The following BTAF1 variants were observed in gnomAD, a reference collection of about 807,000 sequenced individuals.
BTAF1 encodes B-TFIID TATA-box binding protein associated factor 1.
BTAF1 carries 38 observed loss-of-function variants against 227.1 expected under a neutral mutation model. The observed-to-expected ratio is 0.17, with a 90% confidence interval of 0.13 to 0.22. The LOEUF (loss-of-function observed/expected upper bound fraction) is 0.22. BTAF1 is among the 10% of genes least tolerant of loss of function. BTAF1 has a pLI of 1.00. For missense variants in BTAF1, 1,598 were observed against 2,204.0 expected (o/e 0.73, Z 5.51); for synonymous variants, 742 against 751.9 (o/e 0.99, Z 0.21).
intron 4 of BTAF1, among the ~76,000 whole-genome samples, chr10:91,946,618 C>T (rs111570788): frequency 2.6e-5 from 4 of 152,258 alleles, no homozygotes; most frequent in African/African-American, 7.2e-5. Context: ...GAAGTGATAT[C>T]TCATTGTGAT....
intron 1 of BTAF1, among the ~76,000 whole-genome samples, chr10:91,930,198 C>T (rs1354332030): frequency 6.6e-6 from 1 of 152,060 alleles, no homozygotes; most frequent in Non-Finnish European, 1.5e-5. Context: ...ACCCATACTG[C>T]TGCTAAAGAA....
intron 11 of BTAF1, 127 bp downstream of exon 11, chr10:91,960,281 C>T (rs529749470): frequency 2.6e-5 from 27 of 1,024,832 alleles, no homozygotes; most frequent in East Asian, 5.3e-5. Flanking sequence ...CAAGATTTGC[C>T]GTCTTGAGAG....
At chr10:92,002,439 G>A (rs902626810) in intron 25 of BTAF1, among the ~76,000 whole-genome samples, 1 of 152,142 alleles carries the variant, frequency 6.6e-6, no homozygotes, top group African/African-American at 2.4e-5. Flanking sequence ...TGCTGGCACT[G>A]AAACAATATT....
chr10:91,987,958 A>G (rs1199923846), intron 19 of BTAF1, among the ~76,000 whole-genome samples: 1 of 152,150 alleles, frequency 6.6e-6, no homozygotes, highest in Non-Finnish European at 1.5e-5. Context: ...TGCTCAAGCT[A>G]TGATAAACTT....
intron 1 of BTAF1, among the ~76,000 whole-genome samples, chr10:91,931,578 A>G (rs1157299900): frequency 6.6e-6 from 1 of 152,084 alleles, no homozygotes; most frequent in Non-Finnish European, 1.5e-5. Context: ...TCTTCTGACC[A>G]TCTAGCTTCC....
intron 5 of BTAF1, among the ~76,000 whole-genome samples, chr10:91,953,149 T>C (rs1433893089): frequency 3.3e-5 from 5 of 152,128 alleles, no homozygotes; most frequent in African/African-American, 1.2e-4. Context: ...AAGTATAAAT[T>C]TCAGTTGAAT....
At chr10:91,997,286 A>G in intron 24 of BTAF1, 1 of 654,014 alleles carries the variant, frequency 1.5e-6, no homozygotes, top group Non-Finnish European at 2.3e-6. Context: ...TTTTATTTTG[A>G]CATTGGAATT....
intron 10 of BTAF1, 31 bp downstream of exon 10, chr10:91,959,911 A>G (rs755326111): frequency 3.1e-6 from 5 of 1,601,386 alleles, no homozygotes; most frequent in East Asian, 2.2e-5. Flanking sequence ...GCTTTGCCCA[A>G]TCAAATTTCA....
chr10:92,024,682 AG>A, intron 34 of BTAF1, 73 bp from the exon 35 acceptor site: 1 of 1,249,872 alleles, frequency 8.0e-7, no homozygotes, highest in Non-Finnish European at 1.1e-6. Flanking sequence ...TGCCACAGAG[AG>A]GAATGTCACA....
intron 25 of BTAF1, among the ~76,000 whole-genome samples, chr10:92,002,933 G>T (rs919722739): frequency 4.6e-5 from 7 of 152,112 alleles, no homozygotes; most frequent in African/African-American, 1.7e-4. Context: ...GCCGAGGTGG[G>T]TGGATCACGA....
intron 23 of BTAF1, among the ~76,000 whole-genome samples, chr10:91,995,091 T>C (rs1289766895): frequency 6.6e-6 from 1 of 152,210 alleles, no homozygotes; most frequent in Non-Finnish European, 1.5e-5. Flanking sequence ...GTTTGGGATT[T>C]TTTTAAAAAA....
chr10:91,949,713 G>C (rs1340681588), intron 4 of BTAF1, among the ~76,000 whole-genome samples: 1 of 152,158 alleles, frequency 6.6e-6, no homozygotes, highest in Non-Finnish European at 1.5e-5. Context: ...CAGAGATTTG[G>C]GCTGAGTTTA....
At chr10:91,991,998 G>A (rs2134028164) in intron 20 of BTAF1, 121 bp from the exon 21 acceptor site, 1 of 662,314 alleles carries the variant, frequency 1.5e-6, no homozygotes, top group East Asian at 2.9e-5. Flanking sequence ...AAATGTCATT[G>A]GCCTATAAAA....
At chr10:91,932,253 C>T (rs1464092768) in intron 1 of BTAF1, among the ~76,000 whole-genome samples, 9 of 152,148 alleles carry the variant, frequency 5.9e-5, no homozygotes, top group Admixed American at 4.6e-4. Flanking sequence ...TGGCATTTTT[C>T]AGCTTGCTAT....
rs558217268 is a variant in BTAF1 at position 91,930,409 on chromosome 10, A to G, written c.15-5248A>G. Among the ~76,000 whole-genome samples, 6 of 152,318 alleles carry G rather than the reference A, an allele frequency of 3.9e-5. No individual in the cohort carries two copies. In the South Asian group the frequency reaches 1.2e-3, roughly 32 times the overall value. On this transcript the variant is annotated intron_variant, in intron 1 of 37. Coordinates refer to ENST00000265990, the MANE Select transcript of BTAF1 (RefSeq NM_003972.3). ...TAGGTGCTAGAGGTATAGCAGAGAA[A>G]AAAACTGTACTCTCCATTCTCATGG...
intron 4 of BTAF1, among the ~76,000 whole-genome samples, chr10:91,943,941 G>A (rs746371473): frequency 6.6e-5 from 10 of 151,982 alleles, no homozygotes; most frequent in East Asian, 1.9e-4. Flanking sequence ...ACCTGAGATC[G>A]GGAGGTCGAG....
chr10:91,943,653 T>C (rs1222861296), intron 4 of BTAF1, among the ~76,000 whole-genome samples: 1 of 152,208 alleles, frequency 6.6e-6, no homozygotes, highest in Non-Finnish European at 1.5e-5. Context: ...AGAGGATAAT[T>C]TGCTTAAGTT....
intron 5 of BTAF1, 131 bp from the exon 6 acceptor site, chr10:91,953,598 GAGTGTGAA>G: frequency 1.1e-6 from 1 of 920,670 alleles, no homozygotes; most frequent in Non-Finnish European, 1.6e-6. Flanking sequence ...TACAACAAAA[GAGTGTGAA>G]CCTGTCAAAA....
rs185756717 is a variant in BTAF1, at chr10:91,993,422, T to C, written c.3046-272T>C. Among the ~76,000 whole-genome samples the C allele has an allele frequency of 3.7e-3, 557 of 152,276 alleles. 3 individuals are homozygous for C. Among genetic ancestry groups the C allele is most frequent in the African/African-American group, 0.013 (529 of 41,548 alleles). On this transcript the variant is annotated intron_variant, in intron 21 of 37. Transcript: ENST00000265990. The stretch of plus-strand genomic sequence containing the variant: ...AAAAAATGTCACTTAGGACTATCTC[T>C]AGAAACAGCACATATCCGTCTGTTC...
Sources: allele counts gnomAD v4.1 joint callset (sites outside exome capture counted in the v4.1 genomes callset), GRCh38; gene constraint gnomAD v4.1.1; transcripts MANE v1.5; gene names NCBI Gene and HGNC (gene_info 2026-07-23, HGNC 2026-07-21).